RASSF8: variants seen among roughly 807,000 people sequenced by gnomAD.
RASSF8 encodes ras association domain-containing protein 8.
Under a neutral mutation model 48.5 loss-of-function variants are expected in RASSF8, and 22 were observed. The ratio of observed to expected loss-of-function variants is 0.45; its 90% CI spans 0.32 to 0.65. The LOEUF is 0.65. Ranked by LOEUF, RASSF8 falls within the 30% of genes least tolerant of loss-of-function variation. The probability of loss-of-function intolerance (pLI) is 0.03; values close to 1 mark genes in which losing one functional copy is unlikely to be tolerated. For synonymous variants in RASSF8, 127 were observed against 171.5 expected, an observed-to-expected ratio of 0.74 and a Z score of 2.03; for missense variants, 418 against 489.2, an observed-to-expected ratio of 0.85 and a Z score of 1.37.
At chr12:26,051,712 C>T (rs1181793454) in intron 2 of RASSF8, among the ~76,000 whole-genome samples, 1 of 152,104 alleles carries the variant, frequency 6.6e-6, no homozygotes, top group African/African-American at 2.4e-5. Context: ...AAGTCACAGA[C>T]AGAGCTTTAA....
At chr12:25,959,333 GGT>G (rs1941171451) in intron 1 of RASSF8, 185 bp downstream of exon 1, 1 of 152,382 alleles carries the variant, frequency 6.6e-6, no homozygotes, top group South Asian at 2.1e-4. Flanking sequence ...CACCTTTCCT[GGT>G]GTGTCACCCT....
rs574354153 is a variant in RASSF8, at chr12:26,028,868, A to G, written c.-108-26368A>G. 2.0e-5 allele frequency among the ~76,000 whole-genome samples: 3 copies of G among 152,308 alleles called. No individual in the cohort carries two copies. The South Asian group carries it at 6.2e-4, about 32-fold the overall frequency. ...TAAAGATCTCTTTCTCTCCAATTCT[A>G]TTGTAAAAGTATATGTTGAATTCTG... is the stretch of plus-strand genomic sequence containing the variant. On this transcript the variant is annotated intron_variant, in intron 2 of 5. Transcript: ENST00000689635.
intron 1 of RASSF8, among the ~76,000 whole-genome samples, chr12:25,974,602 C>T (rs991233648): frequency 1.3e-5 from 2 of 151,694 alleles, no homozygotes; most frequent in Non-Finnish European, 2.9e-5. Flanking sequence ...AATGTAGAAT[C>T]TGAATAAGTA....
chr12:26,011,366 A>G lies in RASSF8; in HGVS notation c.-109+16236A>G, dbSNP rs187020669. ...CAGAACCTTTCCAAAAAGATTAGCCAGATGCTTCCCAGAAGAACTTTCCTC... is the reference window on the plus strand; with the variant it reads ...CAGAACCTTTCCAAAAAGATTAGCCGGATGCTTCCCAGAAGAACTTTCCTC... On this transcript the variant is annotated intron_variant, in intron 2 of 5. Transcript: ENST00000689635. 2.5e-3 allele frequency among the ~76,000 whole-genome samples: 384 copies of G among 152,320 alleles called. 3 individuals carry two copies. The highest frequency in any genetic ancestry group is 9.0e-3 in the African/African-American group (372 of 41,562).
At chr12:26,059,767 C>A (rs11048395) in intron 3 of RASSF8, among the ~76,000 whole-genome samples, 16,270 of 152,256 alleles carry the variant, frequency 0.11, 946 homozygotes, top group Middle Eastern at 0.19. Context: ...TAGCATGCAT[C>A]AGTCAAGATG....
chr12:26,030,565 C>T (rs1341022056), intron 2 of RASSF8, among the ~76,000 whole-genome samples: 1 of 152,110 alleles, frequency 6.6e-6, no homozygotes, highest in Non-Finnish European at 1.5e-5. Flanking sequence ...GTTACTAATG[C>T]CATAGTAAAA....
chr12:26,068,721 T>C lies in RASSF8; in HGVS notation c.1163T>C (p.Leu388Pro). ...GAGGCACCATTCCAGTCTGGGTCCC[T>C]GAAGCGACCTGGTTCATCTCGGCAG... The part of the protein sequence containing the change: ...EREAPFQSGS[L>P]KRPGSSRQLP... The change falls in exon 6 of 6, where the codon CTG becomes CCG. Residue 388 changes from leucine to proline, a missense_variant. By Grantham distance (98) the Leu-to-Pro change is moderately conservative (BLOSUM62 -3). Coordinates refer to ENST00000689635, the MANE Select transcript of RASSF8 (RefSeq NM_001394098.1). 1 of 1,537,428 alleles carries C rather than the reference T, an allele frequency of 6.5e-7. No individual in the cohort carries two copies. Among genetic ancestry groups the C allele is most frequent in the Non-Finnish European group, 8.7e-7 (1 of 1,146,906 alleles).
chr12:26,036,910 C>T (rs1170807243), intron 2 of RASSF8, among the ~76,000 whole-genome samples: 2 of 150,356 alleles, frequency 1.3e-5, no homozygotes, highest in Non-Finnish European at 3.0e-5. Context: ...AGCAAGACTC[C>T]ATCACAAAAA....
intron 2 of RASSF8, among the ~76,000 whole-genome samples, chr12:26,013,703 A>G (rs1175719501): frequency 1.3e-5 from 2 of 152,274 alleles, no homozygotes; most frequent in Admixed American, 6.5e-5. Context: ...GTTATATATC[A>G]TAAGCATTTT....
chr12:26,054,829 T>G (rs1943567887), intron 2 of RASSF8, among the ~76,000 whole-genome samples: 1 of 152,236 alleles, frequency 6.6e-6, no homozygotes. Context: ...GGCAAAACAC[T>G]GCACACTGCA....
intron 2 of RASSF8, chr12:26,052,502 G>A (rs970705601): frequency 1.3e-5 from 2 of 152,158 alleles, no homozygotes; most frequent in South Asian, 4.1e-4. Context: ...CTGCATCACT[G>A]TTTCCATGGA....
At chr12:25,987,810 A>C (rs1322947447) in intron 1 of RASSF8, among the ~76,000 whole-genome samples, 1 of 152,098 alleles carries the variant, frequency 6.6e-6, no homozygotes, top group Non-Finnish European at 1.5e-5. Context: ...AAAGAGAATG[A>C]AGGTCATTGT....
intron 2 of RASSF8, among the ~76,000 whole-genome samples, chr12:26,043,672 A>G (rs1943313155): frequency 6.6e-6 from 1 of 152,226 alleles, no homozygotes; most frequent in African/African-American, 2.4e-5. Context: ...CTGGAAATCC[A>G]ATTGCCTATC....
In RASSF8 at chr12:26,069,641, A is replaced by G. The variant is rs1943958825; in HGVS notation, c.*823A>G. The G allele has an allele frequency of 3.0e-6, 3 of 985,302 alleles. No homozygotes were observed. The highest frequency in any genetic ancestry group is 3.6e-6 in the Non-Finnish European group (3 of 829,908). The allele number at this position is 985,302 out of a possible 1,614,324, so 61.0% of individuals were successfully genotyped here. A position where few individuals can be genotyped will look rare whatever the true frequency, so the allele number is the denominator to read the frequency against. ...ATGTGTTTTGTTTCTGCCCTGTCTT[A>G]TCATTTACACTCATGGATCTTCAGA... On this transcript the variant is annotated 3_prime_UTR_variant, in exon 6 of 6. Transcript: ENST00000689635.
At position 26,071,142 on chromosome 12, in the gene RASSF8, C is replaced by T. The variant is rs1943991563; in HGVS notation, c.*2324C>T. 5 of 973,950 alleles carry T rather than the reference C, an allele frequency of 5.1e-6. No individual in the cohort carries two copies. The allele number at this position is 973,950 out of a possible 1,614,324, so 60.3% of individuals were successfully genotyped here. A position where few individuals can be genotyped will look rare whatever the true frequency, so the allele number is the denominator to read the frequency against. On this transcript the variant is annotated 3_prime_UTR_variant, in exon 6 of 6. Transcript: ENST00000689635. ...CTGTACTTTTTAATTAGTTATATTACTTCTGGAAGCACATATCTAAGGAAT... is the reference window on the plus strand; with the variant it reads ...CTGTACTTTTTAATTAGTTATATTATTTCTGGAAGCACATATCTAAGGAAT...
chr12:25,961,398 A>C (rs1941230831), intron 1 of RASSF8, among the ~76,000 whole-genome samples: 1 of 152,210 alleles, frequency 6.6e-6, no homozygotes, highest in African/African-American at 2.4e-5. Context: ...ATCATAAATT[A>C]AAGATTTGGA....
intron 2 of RASSF8, among the ~76,000 whole-genome samples, chr12:26,014,516 G>A (rs1029826860): frequency 6.6e-6 from 1 of 152,172 alleles, no homozygotes; most frequent in African/African-American, 2.4e-5. Flanking sequence ...TTGGACAGTT[G>A]CACTTAATAC....
At position 26,021,079 on chromosome 12, in the gene RASSF8, A is replaced by G. The variant is rs192954208; in HGVS notation, c.-109+25949A>G. Among the ~76,000 whole-genome samples, 35 of 152,290 alleles carry G rather than the reference A, an allele frequency of 2.3e-4. No homozygotes were observed. In the East Asian group the frequency reaches 6.0e-3, roughly 26 times the overall value. On this transcript the variant is annotated intron_variant, in intron 2 of 5. Coordinates refer to ENST00000689635, the MANE Select transcript of RASSF8 (RefSeq NM_001394098.1). ...CTTCGAAAATCTTTTCCTTCTTTCT[A>G]TACCTAAAATATAGAAACTGGAGCT... is the stretch of plus-strand genomic sequence containing the variant.
Position 25,973,521 on chromosome 12 carries a change from A to T in RASSF8, c.-203+14373A>T, listed in dbSNP as rs145435839. On this transcript the variant is annotated intron_variant, in intron 1 of 5. Transcript: ENST00000689635. ...AACTGACCATGAGGCTTAACTTGAG[A>T]TGCTGAGTTTGTGAGACAGACTGCC... Among the ~76,000 whole-genome samples, 306 of 152,272 alleles carry T rather than the reference A, an allele frequency of 2.0e-3. 2 individuals are homozygous for T. Among genetic ancestry groups the T allele is most frequent in the African/African-American group, 7.1e-3 (294 of 41,560 alleles).
Sources: gnomAD v4.1 joint callset for allele counts (sites outside exome capture counted in the v4.1 genomes callset) on GRCh38, gnomAD v4.1.1 for gene constraint, MANE v1.5 for transcripts, NCBI Gene and HGNC (gene_info 2026-07-23, HGNC 2026-07-21) for gene names.